The following SMYD3 variants were observed in gnomAD, a reference collection of about 807,000 sequenced individuals.
SMYD3 encodes SET and MYND domain containing 3.
In SMYD3, 36 loss-of-function variants were observed where a neutral mutation model predicts 57.7. The observed-to-expected ratio is 0.62, with a 90% confidence interval of 0.48 to 0.82. SMYD3 has a LOEUF of 0.82. Among genes scored for constraint, SMYD3 ranks in the 40% least tolerant of loss-of-function variants. The pLI, the probability that SMYD3 is intolerant of heterozygous loss-of-function variation, is 0.00. For synonymous variants in SMYD3, 211 were observed against 195.0 expected, an observed-to-expected ratio of 1.08 and a Z score of -0.68; for missense variants, 515 against 538.8, an observed-to-expected ratio of 0.96 and a Z score of 0.44.
intron 5 of SMYD3, among the ~76,000 whole-genome samples, chr1:245,940,066 CCCT>C (rs1355538597): frequency 6.6e-6 from 1 of 152,144 alleles, no homozygotes; most frequent in Non-Finnish European, 1.5e-5. Flanking sequence ...ACAGATCCAT[CCCT>C]CCTCACCTTC....
chr1:245,885,223 A>G (rs963726687), intron 8 of SMYD3, among the ~76,000 whole-genome samples: 1 of 152,186 alleles, frequency 6.6e-6, no homozygotes, highest in Non-Finnish European at 1.5e-5. Context: ...CTGAAGGAAT[A>G]AACTCCAGAC....
intron 1 of SMYD3, among the ~76,000 whole-genome samples, chr1:246,481,607 T>TATATATATATATATATATACACAC (rs1156393004): frequency 4.8e-5 from 3 of 61,974 alleles, no homozygotes; most frequent in African/African-American, 9.8e-5. Context: ...TATATATATA[T>TATATATATATATATATATACACAC]ACACATACAT....
At chr1:246,105,631 A>C (rs927071986) in intron 5 of SMYD3, among the ~76,000 whole-genome samples, 1 of 152,230 alleles carries the variant, frequency 6.6e-6, no homozygotes, top group Non-Finnish European at 1.5e-5. Context: ...AATAACACAG[A>C]CAACGGATTT....
Position 246,465,766 on chromosome 1 carries a change from C to T in SMYD3, c.164+41288G>A, listed in dbSNP as rs147973038. ...GTGGAGAAAAGAGAACACTTAAACA[C>T]TTGTTTTTTGTTTTTCATTTTTTTG... On this transcript the variant is annotated intron_variant, in intron 1 of 11. Coordinates refer to ENST00000490107, the MANE Select transcript of SMYD3 (RefSeq NM_001167740.2). Among the ~76,000 whole-genome samples, 92 of 152,222 alleles carry T rather than the reference C, an allele frequency of 6.0e-4. 1 individual carries two copies. In the East Asian group the frequency reaches 0.014, roughly 24 times the overall value.
intron 5 of SMYD3, among the ~76,000 whole-genome samples, chr1:246,161,602 G>A (rs930556080): frequency 1.3e-5 from 2 of 152,014 alleles, no homozygotes; most frequent in Non-Finnish European, 2.9e-5. Context: ...TTCTTTCTCC[G>A]CGAATAGATG....
chr1:246,310,600 G>A (rs12568702), intron 5 of SMYD3, among the ~76,000 whole-genome samples: 21,342 of 151,042 alleles, frequency 0.14, 2,040 homozygotes, highest in East Asian at 0.39. Flanking sequence ...GAAACTGTAC[G>A]AGCAAAGCTT....
intron 5 of SMYD3, among the ~76,000 whole-genome samples, chr1:246,240,703 T>C (rs867452928): frequency 3.9e-5 from 6 of 152,250 alleles, no homozygotes; most frequent in African/African-American, 7.2e-5. Flanking sequence ...TTTCATGATA[T>C]TGATTCTTCC....
chr1:246,102,895 A>G (rs568587872), intron 5 of SMYD3, among the ~76,000 whole-genome samples: 47 of 152,262 alleles, frequency 3.1e-4, no homozygotes, highest in African/African-American at 9.4e-4. Flanking sequence ...TATCAAAACA[A>G]AAAACAAAAA....
intron 5 of SMYD3, among the ~76,000 whole-genome samples, chr1:246,159,174 C>T (rs148429896): frequency 3.9e-4 from 60 of 152,160 alleles, no homozygotes; most frequent in African/African-American, 1.4e-3. Context: ...GTGTAATAGC[C>T]GGAGTTAAAT....
Position 246,316,434 on chromosome 1 carries a change from G to T in SMYD3, c.531+10767C>A, listed in dbSNP as rs372399646. On this transcript the variant is annotated intron_variant, in intron 5 of 11. Coordinates refer to ENST00000490107, the MANE Select transcript of SMYD3 (RefSeq NM_001167740.2). ...GAGTGCAATGGCACAATCTCAGCTC[G>T]CTGCAACCTCCCCCTCCCAGGTTCA... Among the ~76,000 whole-genome samples the T allele has an allele frequency of 2.5e-3, 379 of 148,932 alleles. 2 individuals are homozygous for T. The highest frequency in any genetic ancestry group is 5.1e-3 in the South Asian group (24 of 4,714).
intron 5 of SMYD3, among the ~76,000 whole-genome samples, chr1:246,181,121 G>A (rs1461037639): frequency 6.6e-6 from 1 of 152,230 alleles, no homozygotes; most frequent in Non-Finnish European, 1.5e-5. Context: ...GTGGAAACAA[G>A]TGCTCTTGTG....
intron 1 of SMYD3, among the ~76,000 whole-genome samples, chr1:246,495,878 T>C (rs2068352868): frequency 1.3e-5 from 2 of 151,800 alleles, no homozygotes; most frequent in African/African-American, 4.8e-5. Flanking sequence ...GGTGGCAGAA[T>C]TGCTTGAACC....
chr1:246,358,489 T>TA (rs2065939352), intron 1 of SMYD3, among the ~76,000 whole-genome samples: 1 of 152,310 alleles, frequency 6.6e-6, no homozygotes, highest in South Asian at 2.1e-4. Context: ...CAGAACATTC[T>TA]ACTCAACAAC....
At chr1:246,369,042 A>T (rs1487452476) in intron 1 of SMYD3, among the ~76,000 whole-genome samples, 2 of 152,232 alleles carry the variant, frequency 1.3e-5, no homozygotes, top group Non-Finnish European at 2.9e-5. Context: ...GCTGTGTAAT[A>T]CTAAGCAGTT....
intron 8 of SMYD3, among the ~76,000 whole-genome samples, chr1:245,883,684 G>A (rs1385122530): frequency 6.6e-6 from 1 of 152,158 alleles, no homozygotes; most frequent in African/African-American, 2.4e-5. Context: ...CTGGCCCACA[G>A]AGTATCATGA....
At chr1:246,127,421 A>G (rs1322987646) in intron 5 of SMYD3, among the ~76,000 whole-genome samples, 1 of 152,214 alleles carries the variant, frequency 6.6e-6, no homozygotes, top group Non-Finnish European at 1.5e-5. Flanking sequence ...GGAAAGTTGG[A>G]TAAAGTAGAC....
intron 5 of SMYD3, among the ~76,000 whole-genome samples, chr1:246,303,522 ATTAG>A (rs759414525): frequency 1.3e-5 from 2 of 152,146 alleles, no homozygotes; most frequent in Admixed American, 6.5e-5. Context: ...CACTATATAA[ATTAG>A]TTGTTATACT....
chr1:246,166,206 A>G (rs954780753), intron 5 of SMYD3, among the ~76,000 whole-genome samples: 1 of 152,162 alleles, frequency 6.6e-6, no homozygotes, highest in Non-Finnish European at 1.5e-5. Context: ...ATAACCTGAG[A>G]ACATCAAAGG....
chr1:245,770,572 C>G (rs2046294386), intron 10 of SMYD3, among the ~76,000 whole-genome samples: 1 of 152,192 alleles, frequency 6.6e-6, no homozygotes, highest in African/African-American at 2.4e-5. Flanking sequence ...TCAGCCTCAA[C>G]TTATCTCAAA....
Sources: gnomAD v4.1 joint callset for allele counts (sites outside exome capture counted in the v4.1 genomes callset) on GRCh38, gnomAD v4.1.1 for gene constraint, MANE v1.5 for transcripts, NCBI Gene and HGNC (gene_info 2026-07-23, HGNC 2026-07-21) for gene names.